Variants in LDLRAP1 observed in about 807,000 individuals in gnomAD.
The protein encoded by LDLRAP1 is low density lipoprotein receptor adaptor protein 1.
In LDLRAP1, 30 loss-of-function variants were observed where a neutral mutation model predicts 37.8. That is an observed-to-expected ratio of 0.79 (90% CI 0.59 to 1.08). The LOEUF (loss-of-function observed/expected upper bound fraction) is 1.08, where lower values mean the gene tolerates loss of function less well. Ranked by LOEUF, LDLRAP1 falls within the 50% of genes least tolerant of loss-of-function variation. The pLI is 0.00. For missense variants in LDLRAP1, 375 were observed against 401.6 expected, an observed-to-expected ratio of 0.93 and a Z score of 0.57; for synonymous variants, 156 against 169.8, an observed-to-expected ratio of 0.92 and a Z score of 0.63.
At chr1:25,564,189 G>C in intron 7 of LDLRAP1, 1 of 328,740 alleles carries the variant, frequency 3.0e-6, no homozygotes, top group South Asian at 2.6e-5. Flanking sequence ...GACTCCCTCA[G>C]GGACTCAGGG....
chr1:25,552,675 A>T (rs2044098748), intron 1 of LDLRAP1, among the ~76,000 whole-genome samples: 1 of 152,104 alleles, frequency 6.6e-6, no homozygotes, highest in African/African-American at 2.4e-5. Flanking sequence ...ATCTTTCTTC[A>T]TGTCCTCCTT....
At position 25,553,905 on chromosome 1, in the gene LDLRAP1, A is replaced by G. The variant is rs750912798; in HGVS notation, c.89-17A>G. 15 of 1,612,522 alleles carry G rather than the reference A, an allele frequency of 9.3e-6. No individual in the cohort carries two copies. The highest frequency in any genetic ancestry group is 6.7e-5 in the Admixed American group (4 of 59,952). On this transcript the variant is annotated splice_polypyrimidine_tract_variant and intron_variant, in intron 1 of 8. Transcript: ENST00000374338. ...CCTGAGCCGCAGGGTCTGAGGGCCT[A>G]CCCTGTGCTACCCCAGAGCTGCCTG...
intron 4 of LDLRAP1, among the ~76,000 whole-genome samples, chr1:25,561,876 T>C (rs544708548): frequency 6.6e-6 from 1 of 152,158 alleles, no homozygotes; most frequent in Non-Finnish European, 1.5e-5. Context: ...GGGGAGCCAG[T>C]GACACTTTCA....
chr1:25,578,193 A>G, the LDLRAP1 span, among the ~76,000 whole-genome samples: 16 of 152,304 alleles, frequency 1.1e-4, no homozygotes, highest in Middle Eastern at 3.4e-3. Flanking sequence ...GCACACAAAG[A>G]AGCGGGTGAC....
downstream of LDLRAP1, among the ~76,000 whole-genome samples, chr1:25,572,562 G>A (rs2044619870): frequency 6.6e-6 from 1 of 152,170 alleles, no homozygotes; most frequent in African/African-American, 2.4e-5. Flanking sequence ...TGGTTCCCCA[G>A]CCCACCCACT....
At chr1:25,585,204 G>T in the LDLRAP1 span, among the ~76,000 whole-genome samples, 2 of 152,232 alleles carry the variant, frequency 1.3e-5, no homozygotes, top group African/African-American at 4.8e-5. Context: ...TCGCAAAAGA[G>T]GAAGTAGCTC....
chr1:25,565,784 G>A (rs944366224), intron 8 of LDLRAP1, among the ~76,000 whole-genome samples: 1 of 152,184 alleles, frequency 6.6e-6, no homozygotes, highest in Non-Finnish European at 1.5e-5. Context: ...AGAGGCCTGG[G>A]CAGGTCAGGG....
rs916586054 is a variant in LDLRAP1 at position 25,563,925 on chromosome 1, G to T, written c.747+134G>T. 71 of 1,130,688 alleles carry T rather than the reference G, an allele frequency of 6.3e-5. 1 individual carries two copies. In the African/African-American group the frequency reaches 8.5e-4, roughly 14 times the overall value. 70.0% of individuals were successfully genotyped at this position (1,130,688 alleles called of 1,614,324 possible). ...GGAGGACCAGACCCAGCCCGGTAGT[G>T]CCCAGGCGCAGGATAGGGGATGAAC... is the stretch of plus-strand genomic sequence containing the variant. On this transcript the variant is annotated intron_variant, in intron 7 of 8. Transcript: ENST00000374338.
chr1:25,565,812 C>A (rs1370652655), intron 8 of LDLRAP1, among the ~76,000 whole-genome samples: 1 of 152,180 alleles, frequency 6.6e-6, no homozygotes, highest in Non-Finnish European at 1.5e-5. Context: ...CCCTGGGTCC[C>A]CGTCTGTCAG....
At chr1:25,566,200 A>G (rs2044473774) in intron 8 of LDLRAP1, among the ~76,000 whole-genome samples, 1 of 152,156 alleles carries the variant, frequency 6.6e-6, no homozygotes, top group Admixed American at 6.5e-5. Context: ...CACAGCCCAG[A>G]GTTTTGGGCT....
At chr1:25,570,614 C>T (rs2044591389), downstream of LDLRAP1, among the ~76,000 whole-genome samples, 1 of 152,132 alleles carries the variant, frequency 6.6e-6, no homozygotes, top group African/African-American at 2.4e-5. Context: ...AATCCCAGCA[C>T]TTTGGGAGGC....
At chr1:25,564,883 C>T (rs982327493) in intron 7 of LDLRAP1, 2 of 456,292 alleles carry the variant, frequency 4.4e-6, no homozygotes, top group East Asian at 3.8e-5. Context: ...CAGTGACTTG[C>T]CCAAGGTCTC....
the LDLRAP1 span, among the ~76,000 whole-genome samples, chr1:25,586,117 A>G: frequency 6.6e-6 from 1 of 152,216 alleles, no homozygotes; most frequent in Non-Finnish European, 1.5e-5. This position sits in a 1 kb window ranked among gnomAD's most constrained non-coding sequence, Gnocchi z 4.3. Flanking sequence ...GGGTCTGGGC[A>G]GTGCCAGTCC....
At chr1:25,561,616 C>T (rs114994744) in intron 4 of LDLRAP1, among the ~76,000 whole-genome samples, 1,980 of 152,184 alleles carry the variant, frequency 0.013, 16 homozygotes, top group Non-Finnish European at 0.021. Flanking sequence ...GCTATAGCTA[C>T]GAACTCTGGG....
At chr1:25,579,132 A>G in the LDLRAP1 span, among the ~76,000 whole-genome samples, 13 of 152,180 alleles carry the variant, frequency 8.5e-5, no homozygotes, top group Non-Finnish European at 1.6e-4. Context: ...ACCATGGCCA[A>G]TGTCAGGCTA....
the LDLRAP1 span, among the ~76,000 whole-genome samples, chr1:25,588,576 C>G: frequency 6.6e-6 from 1 of 152,158 alleles, no homozygotes; most frequent in Non-Finnish European, 1.5e-5. Context: ...CCTGCTGACC[C>G]TCTCTCCACT....
At chr1:25,566,713 T>G (rs1191348119) in intron 8 of LDLRAP1, 135 bp from the exon 9 acceptor site, 3 of 1,066,296 alleles carry the variant, frequency 2.8e-6, no homozygotes, top group Non-Finnish European at 4.2e-6. Context: ...CTGAGGTTAC[T>G]CCACCTCCCC....
the LDLRAP1 span, among the ~76,000 whole-genome samples, chr1:25,589,623 C>T: frequency 6.6e-6 from 1 of 152,184 alleles, no homozygotes; most frequent in African/African-American, 2.4e-5. Context: ...GGTAAATTCT[C>T]CCTCTCTCTC....
chr1:25,575,196 G>A, the LDLRAP1 span, among the ~76,000 whole-genome samples: 2 of 152,184 alleles, frequency 1.3e-5, no homozygotes, highest in African/African-American at 4.8e-5. Context: ...CCCCAAGGAA[G>A]AGTCAGATCT....
Sources: gnomAD v4.1 joint callset for allele counts (sites outside exome capture counted in the v4.1 genomes callset) on GRCh38, gnomAD v4.1.1 for gene constraint, Gnocchi (gnomAD v3.1) non-coding constraint, MANE v1.5 for transcripts, NCBI Gene and HGNC (gene_info 2026-07-23, HGNC 2026-07-21) for gene names.